The following RNF216 variants were observed in gnomAD, a reference collection of about 807,000 sequenced individuals.
The protein encoded by RNF216 is ring finger protein 216.
In RNF216, 72 loss-of-function variants were observed where a neutral mutation model predicts 110.8. The ratio of observed to expected loss-of-function variants is 0.65; its 90% CI spans 0.54 to 0.79. The LOEUF (loss-of-function observed/expected upper bound fraction) is 0.79, where lower values mean the gene tolerates loss of function less well. RNF216 is among the 30% of genes least tolerant of loss of function. The pLI, the probability that RNF216 is intolerant of heterozygous loss-of-function variation, is 0.00. For missense variants in RNF216, 1,342 were observed against 1,141.2 expected (o/e 1.18, Z -2.54); for synonymous variants, 495 against 407.5 (o/e 1.21, Z -2.59).
chr7:5,726,981 G>T (rs1458830210), intron 7 of RNF216, among the ~76,000 whole-genome samples: 4 of 152,278 alleles, frequency 2.6e-5, no homozygotes, highest in Middle Eastern at 3.4e-3. Flanking sequence ...AAGAGAAGAA[G>T]GAAGAGTGGG....
chr7:5,715,703 A>G (rs1793008651), intron 10 of RNF216, among the ~76,000 whole-genome samples: 3 of 150,906 alleles, frequency 2.0e-5, no homozygotes. Context: ...TCCTTTTATT[A>G]ACTATAGCAA....
chr7:5,725,788 C>T (rs375947906), intron 7 of RNF216, among the ~76,000 whole-genome samples: 3 of 147,586 alleles, frequency 2.0e-5, no homozygotes, highest in African/African-American at 5.0e-5. Context: ...AGGCGGAGGT[C>T]GCAGTGAGCC....
intron 13 of RNF216, among the ~76,000 whole-genome samples, chr7:5,670,774 C>A (rs1484088341): frequency 2.0e-5 from 3 of 152,202 alleles, no homozygotes; most frequent in Non-Finnish European, 4.4e-5. Flanking sequence ...TGTTTTCAGC[C>A]TTAATCCATA....
chr7:5,688,150 C>A (rs1164934680), intron 13 of RNF216, among the ~76,000 whole-genome samples: 1 of 152,222 alleles, frequency 6.6e-6, no homozygotes, highest in African/African-American at 2.4e-5. Context: ...GGACACCAGG[C>A]TTTCACGCAC....
intron 13 of RNF216, among the ~76,000 whole-genome samples, chr7:5,655,714 G>A (rs1788697779): frequency 6.7e-6 from 1 of 148,248 alleles, no homozygotes; most frequent in Admixed American, 6.6e-5. Flanking sequence ...AACATTTGGA[G>A]CTCTCTCTGT....
chr7:5,730,949 T>C, intron 5 of RNF216, 132 bp from the exon 6 acceptor site: 1 of 1,353,518 alleles, frequency 7.4e-7, no homozygotes, highest in Non-Finnish European at 1.0e-6. Context: ...ATTAAGATGT[T>C]TGTAGCCCAG....
In RNF216 at chr7:5,716,760, C is replaced by T; in HGVS notation, c.1651G>A (p.Asp551Asn). 1 of 1,605,810 alleles carries T rather than the reference C, an allele frequency of 6.2e-7. No individual in the cohort carries two copies. Among genetic ancestry groups the T allele is most frequent in the Non-Finnish European group, 8.5e-7 (1 of 1,175,652 alleles). ...TTCATCTGTAGGGCAAGCAAAAAGT[C>T]TTCATGCTGAAGAACAAAAAAGGCA... ...QKIKEMAEHE[D>N]FLLALQMNEE... The change falls in exon 10 of 17, where the codon GAC (aspartate) becomes AAC (asparagine). Residue 551 changes from aspartate (D) to asparagine (N), a missense_variant. By Grantham distance (23) the Asp-to-Asn change is conservative. Transcript: ENST00000389902.
intron 1 of RNF216, among the ~76,000 whole-genome samples, chr7:5,768,346 T>TACATACACACACACACACACACACACAC (rs71547789): frequency 1.4e-5 from 1 of 71,886 alleles, no homozygotes; most frequent in Non-Finnish European, 2.7e-5. Context: ...GGCAGGCAAA[T>TACATACACACACACACACACACACACAC]ACACACACAC....
intron 3 of RNF216, among the ~76,000 whole-genome samples, chr7:5,742,422 C>T (rs928972284): frequency 6.6e-6 from 1 of 151,956 alleles, no homozygotes; most frequent in Non-Finnish European, 1.5e-5. Flanking sequence ...AGAATGCTAA[C>T]ACATCAGAAG....
intron 15 of RNF216, among the ~76,000 whole-genome samples, chr7:5,632,375 C>T (rs1222030601): frequency 5.3e-5 from 8 of 152,220 alleles, no homozygotes; most frequent in Non-Finnish European, 8.8e-5. Flanking sequence ...TCTGGCCCCT[C>T]CTAATCCCAG....
intron 3 of RNF216, among the ~76,000 whole-genome samples, chr7:5,744,043 CAA>C (rs1365456295): frequency 3.3e-5 from 5 of 152,130 alleles, no homozygotes; most frequent in African/African-American, 1.2e-4. Context: ...AAAATCAAAA[CAA>C]GAGAAGTAAC....
At chr7:5,678,348 C>A (rs899091045) in intron 13 of RNF216, among the ~76,000 whole-genome samples, 2 of 152,202 alleles carry the variant, frequency 1.3e-5, no homozygotes, top group African/African-American at 4.8e-5. Context: ...GTTTCATAAA[C>A]AGGATCAGAA....
chr7:5,692,530 A>G (rs1288750455), intron 13 of RNF216, among the ~76,000 whole-genome samples: 1 of 152,198 alleles, frequency 6.6e-6, no homozygotes, highest in African/African-American at 2.4e-5. Flanking sequence ...CACTGGCTGT[A>G]TCCTGTCCGA....
chr7:5,741,050 G>A lies in RNF216; in HGVS notation c.967C>T (p.Pro323Ser). The change falls in exon 4 of 17, where the codon CCC becomes TCC. Residue 323 changes from proline (P) to serine (S), a missense_variant. Transcript: ENST00000389902. ...PAFPMQESQEPNLENIWGQEA... is the reference protein window; with the variant it reads ...PAFPMQESQESNLENIWGQEA... The stretch of plus-strand genomic sequence containing the variant: ...TGCCCCCAAATGTTTTCCAAATTGG[G>A]CTCTTGAGATTCTTGCATTGGAAAG... 1 of 1,614,058 alleles carries A rather than the reference G, an allele frequency of 6.2e-7. No homozygotes were observed. Among genetic ancestry groups the A allele is most frequent in the South Asian group, 1.1e-5 (1 of 91,068 alleles).
intron 9 of RNF216, 50 bp downstream of exon 9, chr7:5,720,983 C>G (rs1215940618): frequency 1.0e-5 from 16 of 1,596,118 alleles, no homozygotes; most frequent in Non-Finnish European, 1.4e-5. Flanking sequence ...ACCCTAAGAG[C>G]AAACCAGAAT....
intron 7 of RNF216, among the ~76,000 whole-genome samples, chr7:5,728,717 C>T (rs970182150): frequency 5.3e-5 from 8 of 152,206 alleles, no homozygotes; most frequent in Admixed American, 3.9e-4. Flanking sequence ...GATAACTCCA[C>T]GTTTGTCCTT....
chr7:5,720,662 G>A (rs1220861159), intron 9 of RNF216, among the ~76,000 whole-genome samples: 2 of 151,950 alleles, frequency 1.3e-5, no homozygotes, highest in Admixed American at 6.6e-5. Flanking sequence ...GGGATCTCTG[G>A]GTCACACTTT....
Position 5,621,177 on chromosome 7 carries a change from T to G in RNF216, c.*1683A>C, listed in dbSNP as rs1347129208. On this transcript the variant is annotated 3_prime_UTR_variant, in exon 17 of 17. Transcript: ENST00000389902. ...AGAAAGAATGGGTATCTTAGTTTTT[T>G]TTTTTTTTTTTTTAAAGATAGAGTT... 1 of 151,704 alleles carries G rather than the reference T, an allele frequency of 6.6e-6. No homozygotes were observed. The highest frequency in any genetic ancestry group is 2.1e-4 in the South Asian group (1 of 4,820). 9.4% of individuals were successfully genotyped at this position (151,704 alleles called of 1,614,324 possible).
At chr7:5,685,315 G>T (rs1433498963) in intron 13 of RNF216, among the ~76,000 whole-genome samples, 1 of 152,144 alleles carries the variant, frequency 6.6e-6, no homozygotes, top group Admixed American at 6.5e-5. Context: ...AGAATTCCAT[G>T]AATAAAACGT....
Sources: allele counts gnomAD v4.1 joint callset (sites outside exome capture counted in the v4.1 genomes callset), GRCh38; gene constraint gnomAD v4.1.1; transcripts MANE v1.5; gene names NCBI Gene and HGNC (gene_info 2026-07-23, HGNC 2026-07-21).